EPHA4: variants seen among roughly 807,000 people sequenced by gnomAD.
EPHA4 encodes ephrin type-A receptor 4.
Under a neutral mutation model 108.3 loss-of-function variants are expected in EPHA4, and 19 were observed. The observed-to-expected ratio is 0.18, with a 90% CI of 0.12 to 0.26. The LOEUF (loss-of-function observed/expected upper bound fraction) is 0.26, where lower values mean the gene tolerates loss of function less well. Ranked by LOEUF, EPHA4 falls within the 10% of genes least tolerant of loss-of-function variation. The pLI, the probability that EPHA4 is intolerant of heterozygous loss-of-function variation, is 1.00. For synonymous variants in EPHA4, 449 were observed against 455.5 expected, an observed-to-expected ratio of 0.99 and a Z score of 0.18; for missense variants, 917 against 1,254.0, an observed-to-expected ratio of 0.73 and a Z score of 4.06.
chr2:221,500,933 C>G (rs775723761), intron 4 of EPHA4, 84 bp downstream of exon 4: 6 of 1,380,074 alleles, frequency 4.3e-6, no homozygotes, highest in Non-Finnish European at 5.8e-6. Context: ...AATGATTATC[C>G]CAGGAGAAGA....
rs775020442 is a variant in EPHA4, at chr2:221,456,624, G to T, written c.1592C>A (p.Thr531Lys). The change falls in exon 7 of 18, where the codon ACA (threonine) becomes AAA (lysine). Residue 531 changes from threonine to lysine, a missense_variant. Thr to Lys is a moderately conservative substitution (Grantham distance 78). Coordinates refer to ENST00000281821, the MANE Select transcript of EPHA4 (RefSeq NM_004438.5). ...GTGGTCCTTGTTACCTGTGTTGGTT[G>T]TAACCTCCAAGGGCTCACTGAAGTC... ...YGDFSEPLEVTTNTVPSRIIG... is the reference protein window; with the variant it reads ...YGDFSEPLEVKTNTVPSRIIG... 1.9e-6 allele frequency: 3 copies of T among 1,613,646 alleles called. No individual in the cohort carries two copies. Among genetic ancestry groups the T allele is most frequent in the African/African-American group, 2.7e-5 (2 of 74,894 alleles).
rs1390345748 is a variant in EPHA4, at chr2:221,418,422, TTAAA to T, written c.*2946_*2949del. 1 of 152,648 alleles carries T rather than the reference TTAAA, an allele frequency of 6.6e-6. No individual in the cohort carries two copies. Among genetic ancestry groups the T allele is most frequent in the Non-Finnish European group, 1.5e-5 (1 of 68,046 alleles). 9.5% of individuals were successfully genotyped at this position (152,648 alleles called of 1,614,324 possible). A position where few individuals can be genotyped will look rare whatever the true frequency, so the allele number is the denominator to read the frequency against. ...AATGCTTGATGTTGTTTGGAGAATG[TTAAA>T]TAAGTGAAAATATTGCTTCTAGAAC... is the stretch of plus-strand genomic sequence containing the variant. On this transcript the variant is annotated 3_prime_UTR_variant, in exon 18 of 18. Transcript: ENST00000281821.
intron 5 of EPHA4, among the ~76,000 whole-genome samples, chr2:221,462,724 T>A (rs1691187360): frequency 6.6e-6 from 1 of 152,080 alleles, no homozygotes; most frequent in Non-Finnish European, 1.5e-5. Flanking sequence ...ATAAATGGAG[T>A]CTCTGTTTCT....
chr2:221,519,641 C>A (rs1693097891), intron 3 of EPHA4, among the ~76,000 whole-genome samples: 1 of 152,200 alleles, frequency 6.6e-6, no homozygotes, highest in African/African-American at 2.4e-5. Context: ...ACCTTTGCAA[C>A]AACCAACCTA....
chr2:221,499,759 T>A (rs1177528305), intron 4 of EPHA4, among the ~76,000 whole-genome samples: 75 of 85,650 alleles, frequency 8.8e-4, no homozygotes, highest in African/African-American at 3.6e-3. Context: ...TATATATATT[T>A]TTTTTTTTTT....
At chr2:221,428,486 C>A (rs1295704979) in intron 15 of EPHA4, among the ~76,000 whole-genome samples, 1 of 152,180 alleles carries the variant, frequency 6.6e-6, no homozygotes, top group Non-Finnish European at 1.5e-5. Flanking sequence ...TGGGGCAAAG[C>A]AGATGCTATG....
intron 14 of EPHA4, among the ~76,000 whole-genome samples, chr2:221,431,889 T>G (rs575542713): frequency 2.0e-5 from 3 of 152,176 alleles, no homozygotes; most frequent in Non-Finnish European, 2.9e-5. Flanking sequence ...CTTGCTAAGT[T>G]TGACATATTT....
At chr2:221,550,615 C>T (rs573327588) in intron 3 of EPHA4, among the ~76,000 whole-genome samples, 6 of 152,064 alleles carry the variant, frequency 3.9e-5, no homozygotes, top group Admixed American at 3.3e-4. Context: ...ATCATTATTC[C>T]CATTTTATAG....
In EPHA4 at chr2:221,423,123, G is replaced by A. The variant is rs529906901; in HGVS notation, c.*819+2086C>T. Among the ~76,000 whole-genome samples the A allele has an allele frequency of 2.4e-3, 373 of 152,292 alleles. 2 individuals carry two copies. Among genetic ancestry groups the A allele is most frequent in the African/African-American group, 8.3e-3 (343 of 41,564 alleles). The stretch of plus-strand genomic sequence containing the variant: ...CTTGGACAATGTTGGAGGAAGAAGC[G>A]TACCTTTCTTCTGTGGAGCTCACCG... On this transcript the variant is annotated intron_variant, in intron 17 of 17. Coordinates refer to ENST00000281821, the MANE Select transcript of EPHA4 (RefSeq NM_004438.5).
intron 4 of EPHA4, 133 bp downstream of exon 4, chr2:221,500,884 A>G: frequency 9.4e-7 from 1 of 1,059,358 alleles, no homozygotes; most frequent in Admixed American, 2.6e-5. Context: ...CCCTGCTATG[A>G]TTGAGAAAGG....
intron 3 of EPHA4, among the ~76,000 whole-genome samples, chr2:221,555,684 C>T (rs544887452): frequency 1.3e-5 from 2 of 152,230 alleles, no homozygotes; most frequent in East Asian, 3.9e-4. Context: ...AGCTTTTATG[C>T]CTTAAGTGAG....
chr2:221,456,903 T>G (rs897130058), intron 6 of EPHA4, 131 bp from the exon 7 acceptor site: 38 of 907,764 alleles, frequency 4.2e-5, no homozygotes, highest in Non-Finnish European at 5.8e-5. Flanking sequence ...ATAAACTCTC[T>G]GGAGCCTGTA....
intron 15 of EPHA4, among the ~76,000 whole-genome samples, chr2:221,429,548 G>A (rs10211091): frequency 0.76 from 116,077 of 151,982 alleles, 45,101 homozygotes; most frequent in East Asian, 1. Context: ...TAAAATTGCC[G>A]TGCTTAAAGA....
chr2:221,556,895 A>G (rs989277102), intron 3 of EPHA4, among the ~76,000 whole-genome samples: 6 of 152,322 alleles, frequency 3.9e-5, no homozygotes, highest in Non-Finnish European at 7.3e-5. Flanking sequence ...TATGTATAGA[A>G]AAAACATAAT....
In EPHA4 at chr2:221,572,216, C is replaced by G. The variant is rs1322360731; in HGVS notation, c.33G>C (p.Ser11=). Reference sequence around the variant, plus strand: ...CAGCGTCGCAAATCCCGAAGAGACACGAAAATAGGGCGAAATAGAAAATCC... The same window carrying G: ...CAGCGTCGCAAATCCCGAAGAGACAGGAAAATAGGGCGAAATAGAAAATCC... MAGIFYFALF[S]CLFGICDAVT... The change falls in exon 1 of 18, where the codon TCG becomes TCC. Residue 11 remains serine (S), a synonymous_variant. Coordinates refer to ENST00000281821, the MANE Select transcript of EPHA4 (RefSeq NM_004438.5). 4 of 1,614,028 alleles carry G rather than the reference C, an allele frequency of 2.5e-6. No individual in the cohort carries two copies. The highest frequency in any genetic ancestry group is 2.5e-6 in the Non-Finnish European group (3 of 1,179,980).
At chr2:221,440,425 T>C (rs3770195) in intron 11 of EPHA4, among the ~76,000 whole-genome samples, 8,402 of 152,198 alleles carry the variant, frequency 0.055, 468 homozygotes, top group African/African-American at 0.14. Flanking sequence ...CCTGCAAAAG[T>C]ATTTAAAGGG....
intron 3 of EPHA4, among the ~76,000 whole-genome samples, chr2:221,520,847 T>C (rs1693145844): frequency 6.6e-6 from 1 of 152,230 alleles, no homozygotes; most frequent in South Asian, 2.1e-4. Flanking sequence ...GAAACTCCTC[T>C]GCCAGTTGCA....
chr2:221,552,905 T>C (rs1694202366), intron 3 of EPHA4, among the ~76,000 whole-genome samples: 2 of 152,198 alleles, frequency 1.3e-5, no homozygotes, highest in South Asian at 4.1e-4. Context: ...AAGGCTGATA[T>C]AATTAAACTG....
At chr2:221,461,776 T>G (rs1200934711) in intron 5 of EPHA4, among the ~76,000 whole-genome samples, 2 of 152,102 alleles carry the variant, frequency 1.3e-5, no homozygotes, top group Non-Finnish European at 2.9e-5. Context: ...GAAAAAACAC[T>G]TTCTAATGTC....
Sources: allele counts gnomAD v4.1 joint callset (sites outside exome capture counted in the v4.1 genomes callset), GRCh38; gene constraint gnomAD v4.1.1; transcripts MANE v1.5; gene names NCBI Gene and HGNC (gene_info 2026-07-23, HGNC 2026-07-21).